SLC31A1: variants seen among roughly 807,000 people sequenced by gnomAD.
The protein encoded by SLC31A1 is solute carrier family 31 member 1.
A neutral mutation model predicts 17.2 loss-of-function variants in SLC31A1; 5 were observed. That is an observed-to-expected ratio of 0.29 (90% CI 0.15 to 0.61). SLC31A1 has a LOEUF of 0.61. SLC31A1 is among the 20% of genes least tolerant of loss of function. The probability of loss-of-function intolerance (pLI) is 0.86; values close to 1 mark genes in which losing one functional copy is unlikely to be tolerated. For synonymous variants in SLC31A1, 76 were observed against 78.8 expected (o/e 0.96, Z 0.19); for missense variants, 161 against 241.4 (o/e 0.67, Z 2.21).
intron 1 of SLC31A1, among the ~76,000 whole-genome samples, chr9:113,231,080 A>G (rs900477979): frequency 3.3e-5 from 5 of 152,106 alleles, no homozygotes; most frequent in African/African-American, 1.2e-4. Flanking sequence ...CTCAAGTGCC[A>G]TATCCTTCCT....
chr9:113,241,283 G>T (rs1249699536), intron 1 of SLC31A1, among the ~76,000 whole-genome samples: 1 of 152,150 alleles, frequency 6.6e-6, no homozygotes, highest in Non-Finnish European at 1.5e-5. Context: ...AGCCTAAGAA[G>T]CAAATTATAG....
intron 1 of SLC31A1, among the ~76,000 whole-genome samples, chr9:113,252,203 G>A (rs1039677674): frequency 6.6e-6 from 1 of 152,066 alleles, no homozygotes; most frequent in African/African-American, 2.4e-5. Context: ...AGAACCTGTG[G>A]GTCTTCAAAA....
In SLC31A1 at chr9:113,260,356, C is replaced by T. The variant is rs112921083; in HGVS notation, c.456C>T (p.Ile152=). 8.7e-6 allele frequency: 14 copies of T among 1,614,162 alleles called. No homozygotes were observed. Among genetic ancestry groups the T allele is most frequent in the Non-Finnish European group, 9.3e-6 (11 of 1,180,004 alleles). The change falls in exon 5 of 5, where the codon ATC becomes ATT. Residue 152 remains isoleucine (I), a synonymous_variant. Coordinates refer to ENST00000374212, the MANE Select transcript of SLC31A1 (RefSeq NM_001859.4). ...TCATAAGCTACTTCCTCATGCTCAT[C>T]TTCATGACCTACAACGGGTACCTCT... ...QVVISYFLML[I]FMTYNGYLCI...
At chr9:113,253,170 T>C (rs1831679407) in intron 1 of SLC31A1, among the ~76,000 whole-genome samples, 1 of 152,126 alleles carries the variant, frequency 6.6e-6, no homozygotes, top group East Asian at 1.9e-4. Context: ...TTAGCCAGGA[T>C]GGTCTTGATC....
intron 1 of SLC31A1, among the ~76,000 whole-genome samples, chr9:113,223,621 A>G (rs983736687): frequency 6.6e-6 from 1 of 152,206 alleles, no homozygotes; most frequent in Non-Finnish European, 1.5e-5. Context: ...CTCATAAAAT[A>G]TATTGTCAAC....
At chr9:113,255,009 C>G (rs1415618715) in intron 1 of SLC31A1, among the ~76,000 whole-genome samples, 53 of 152,200 alleles carry the variant, frequency 3.5e-4, no homozygotes, top group Admixed American at 3.4e-3. Context: ...TTGCAGTTGT[C>G]TAGACTTAAT....
At position 113,240,411 on chromosome 9, in the gene SLC31A1, A is replaced by C. The variant is rs535898862; in HGVS notation, c.-35-15703A>C. Reference sequence around the variant, plus strand: ...TGCTGTAAGGAAGTAAAAATTAGAAAGTTTCTTGCGCTCAAGAAGCTTGCT... The same window carrying C: ...TGCTGTAAGGAAGTAAAAATTAGAACGTTTCTTGCGCTCAAGAAGCTTGCT... On this transcript the variant is annotated intron_variant, in intron 1 of 4. Transcript: ENST00000374212. Among the ~76,000 whole-genome samples, 28 of 152,296 alleles carry C rather than the reference A, an allele frequency of 1.8e-4. No individual in the cohort carries two copies. The East Asian group carries it at 3.5e-3, about 19-fold the overall frequency.
At chr9:113,232,821 G>A (rs1425844552) in intron 1 of SLC31A1, among the ~76,000 whole-genome samples, 4 of 151,818 alleles carry the variant, frequency 2.6e-5, no homozygotes, top group African/African-American at 7.2e-5. Context: ...TCCAGCCTGG[G>A]TGACGAGAGT....
At chr9:113,228,316 A>G (rs1253239146) in intron 1 of SLC31A1, among the ~76,000 whole-genome samples, 3 of 152,206 alleles carry the variant, frequency 2.0e-5, no homozygotes, top group African/African-American at 7.2e-5. Flanking sequence ...AGGAGCATGA[A>G]AGGGTGCATC....
intron 1 of SLC31A1, among the ~76,000 whole-genome samples, chr9:113,229,828 T>G (rs2118984929): frequency 6.6e-6 from 1 of 152,312 alleles, no homozygotes; most frequent in East Asian, 1.9e-4. Flanking sequence ...AAGTCTTAAG[T>G]AAGAGCCAAG....
intron 1 of SLC31A1, among the ~76,000 whole-genome samples, chr9:113,245,138 A>T (rs1032557563): frequency 1.3e-5 from 2 of 152,222 alleles, no homozygotes; most frequent in Non-Finnish European, 2.9e-5. Flanking sequence ...AGAAAGACAT[A>T]GGCAAGGGAA....
At position 113,262,124 on chromosome 9, in the gene SLC31A1, G is replaced by A. The variant is rs983871113; in HGVS notation, c.*1651G>A. 2.6e-5 allele frequency: 4 copies of A among 152,474 alleles called. No individual in the cohort carries two copies. Among genetic ancestry groups the A allele is most frequent in the African/African-American group, 9.7e-5 (4 of 41,446 alleles). The allele number at this position is 152,474 out of a possible 1,614,324, so 9.4% of individuals were successfully genotyped here. On this transcript the variant is annotated 3_prime_UTR_variant, in exon 5 of 5. Transcript: ENST00000374212. ...AAATCTACCAGTCATGGGCCAGAAG[G>A]GCAAAAGCCCAGCTTTCTCTTTGGA...
chr9:113,225,225 AGAGAGTTCTGTGG>A (rs1831327856), intron 1 of SLC31A1, among the ~76,000 whole-genome samples: 1 of 152,230 alleles, frequency 6.6e-6, no homozygotes, highest in Non-Finnish European at 1.5e-5. Flanking sequence ...AAATTGGATA[AGAGAGTTCTGTGG>A]GATAGTTTGC....
chr9:113,253,571 T>C lies in SLC31A1; in HGVS notation c.-35-2543T>C, dbSNP rs890961742. 4.9e-3 allele frequency among the ~76,000 whole-genome samples: 729 copies of C among 147,382 alleles called. 2 individuals are homozygous for C. The highest frequency in any genetic ancestry group is 0.018 in the African/African-American group (692 of 39,174). On this transcript the variant is annotated intron_variant, in intron 1 of 4. Coordinates refer to ENST00000374212, the MANE Select transcript of SLC31A1 (RefSeq NM_001859.4). ...TCTGTAATTTTTTTTTTTTTTTTTT[T>C]TGAAATGGAGTCTTGCTCTGCTGAC...
At position 113,256,236 on chromosome 9, in the gene SLC31A1, T is replaced by G; in HGVS notation, c.88T>G (p.Ser30Ala). 1 of 1,613,966 alleles carries G rather than the reference T, an allele frequency of 6.2e-7. No homozygotes were observed. Among genetic ancestry groups the G allele is most frequent in the South Asian group, 1.1e-5 (1 of 91,068 alleles). Residue 30 changes from serine to alanine, a missense_variant, in exon 2 of 5, where the codon TCA becomes GCA. Transcript: ENST00000374212. Reference sequence around the variant, plus strand: ...TCACCATCACCCAACCACTTCAGCCTCACACTCCCATGGTGGAGGAGACAG... The same window carrying G: ...TCACCATCACCCAACCACTTCAGCCGCACACTCCCATGGTGGAGGAGACAG... ...PSHHHPTTSA[S>A]HSHGGGDSSM... is the part of the protein sequence containing the mutation.
chr9:113,258,594 G>A lies in SLC31A1; in HGVS notation c.203-100G>A. 3 of 1,287,762 alleles carry A rather than the reference G, an allele frequency of 2.3e-6. No homozygotes were observed. In the Admixed American group the frequency reaches 5.0e-5, roughly 22 times the overall value. The allele number at this position is 1,287,762 out of a possible 1,614,324, so 79.8% of individuals were successfully genotyped here. A position where few individuals can be genotyped will look rare whatever the true frequency, so the allele number is the denominator to read the frequency against. ...AAAATATAATGTCTTCAAAAGCTGA[G>A]AGTAGCATTTTTTCTATGTGTCTTT... On this transcript the variant is annotated intron_variant, in intron 3 of 4. Coordinates refer to ENST00000374212, the MANE Select transcript of SLC31A1 (RefSeq NM_001859.4). This position sits in a 1 kb window ranked among gnomAD's most constrained non-coding sequence, Gnocchi z 4.8.
chr9:113,252,970 T>C (rs1296914285), intron 1 of SLC31A1, among the ~76,000 whole-genome samples: 7 of 143,816 alleles, frequency 4.9e-5, no homozygotes, highest in Non-Finnish European at 1.1e-4. Context: ...TTTTTTTTTT[T>C]TGAGACGGAG....
chr9:113,257,930 G>A (rs1404802418), intron 3 of SLC31A1, among the ~76,000 whole-genome samples: 1 of 152,064 alleles, frequency 6.6e-6, no homozygotes, highest in Non-Finnish European at 1.5e-5. Context: ...GAAATGACTC[G>A]CCATCAATCA....
intron 1 of SLC31A1, among the ~76,000 whole-genome samples, chr9:113,246,612 A>C (rs1259094923): frequency 6.6e-6 from 1 of 152,118 alleles, no homozygotes; most frequent in Non-Finnish European, 1.5e-5. Context: ...TGGCCTCCCA[A>C]AGTGCTGGGA....
Sources: allele counts gnomAD v4.1 joint callset (sites outside exome capture counted in the v4.1 genomes callset), GRCh38; gene constraint gnomAD v4.1.1; non-coding constraint Gnocchi (gnomAD v3.1); transcripts MANE v1.5; gene names NCBI Gene and HGNC (gene_info 2026-07-23, HGNC 2026-07-21).